GPRC5B: variants seen among roughly 807,000 people sequenced by gnomAD.
The protein encoded by GPRC5B is G protein-coupled receptor class C group 5 member B.
A neutral mutation model predicts 30.1 loss-of-function variants in GPRC5B; 16 were observed. That is an observed-to-expected ratio of 0.53 (90% CI 0.36 to 0.81). The LOEUF (loss-of-function observed/expected upper bound fraction) is 0.81. Among genes scored for constraint, GPRC5B ranks in the 30% least tolerant of loss-of-function variants. The probability of loss-of-function intolerance (pLI) is 0.01; values close to 1 mark genes in which losing one functional copy is unlikely to be tolerated. For missense variants in GPRC5B, 428 were observed against 544.7 expected (o/e 0.79, Z 2.13); for synonymous variants, 241 against 239.5 (o/e 1.01, Z -0.06).
intron 1 of GPRC5B, among the ~76,000 whole-genome samples, chr16:19,875,059 A>T (rs1359595553): frequency 1.3e-5 from 2 of 152,030 alleles, no homozygotes; most frequent in African/African-American, 4.8e-5. Flanking sequence ...TCCCTAAGTA[A>T]ATGCGGTATC....
intron 2 of GPRC5B, among the ~76,000 whole-genome samples, chr16:19,865,862 T>C (rs894092603): frequency 6.6e-6 from 1 of 152,190 alleles, no homozygotes; most frequent in Non-Finnish European, 1.5e-5. Flanking sequence ...GAGAATCACT[T>C]GGAGAGCTTA....
At chr16:19,862,057 C>T in intron 2 of GPRC5B, 84 bp from the exon 3 acceptor site, 1 of 1,299,802 alleles carries the variant, frequency 7.7e-7, no homozygotes. Flanking sequence ...ACAGCGCGCT[C>T]CGGGCACCCC....
rs1297125848 is a variant in GPRC5B, at chr16:19,871,926, T to C, written c.920A>G (p.Tyr307Cys). 1.9e-6 allele frequency: 3 copies of C among 1,613,800 alleles called. No homozygotes were observed. In the African/African-American group the frequency reaches 4.0e-5, roughly 22 times the overall value. Residue 307 changes from tyrosine (Y) to cysteine (C), a missense_variant, in exon 2 of 4, where the codon TAC becomes TGC. Tyr to Cys is a radical substitution (Grantham distance 194). Coordinates refer to ENST00000300571, the MANE Select transcript of GPRC5B (RefSeq NM_016235.3). ...LPALQENTPN[Y>C]FDTSQPRMRE... ...CATCCTGGGCTGCGACGTGTCGAAG[T>C]AGTTGGGCGTGTTCTCCTGCAGGGC... is the stretch of plus-strand genomic sequence containing the variant.
intron 2 of GPRC5B, among the ~76,000 whole-genome samples, chr16:19,864,654 A>C (rs190454670): frequency 9.1e-4 from 139 of 152,358 alleles, no homozygotes; most frequent in African/African-American, 3.2e-3. Context: ...TGCAAGAGAA[A>C]CTGGGCCAAC....
chr16:19,885,404 C>T (rs2056842492), upstream of GPRC5B: 1 of 1,162,870 alleles, frequency 8.6e-7, no homozygotes, highest in African/African-American at 1.6e-5. The surrounding 1 kb of genome is among the most constrained non-coding windows in gnomAD (Gnocchi z 5.3). Flanking sequence ...CACCGCTAGG[C>T]CTCCTCCAGG....
chr16:19,869,051 G>A (rs1161167422), intron 2 of GPRC5B, among the ~76,000 whole-genome samples: 1 of 152,144 alleles, frequency 6.6e-6, no homozygotes, highest in Non-Finnish European at 1.5e-5. Context: ...AATAGTGGCC[G>A]GGCGCAGTGG....
chr16:19,878,418 G>A (rs561876614), intron 1 of GPRC5B, among the ~76,000 whole-genome samples: 109 of 151,846 alleles, frequency 7.2e-4, no homozygotes, highest in Non-Finnish European at 1.1e-3. Context: ...CCATTATCCT[G>A]CCTCAGCCTC....
chr16:19,884,876 C>T (rs921711461), upstream of GPRC5B: 4 of 980,792 alleles, frequency 4.1e-6, no homozygotes, highest in Non-Finnish European at 4.8e-6. Context: ...CCGCGCGAGG[C>T]GCCCCCTGGC....
chr16:19,882,443 C>T (rs1199938331), intron 1 of GPRC5B: 6 of 152,198 alleles, frequency 3.9e-5, no homozygotes, highest in Non-Finnish European at 5.9e-5. Context: ...AAAGTGCTTA[C>T]GGGGCCGTGG....
chr16:19,861,745 G>T, intron 3 of GPRC5B, 92 bp downstream of exon 3: 4 of 1,056,426 alleles, frequency 3.8e-6, no homozygotes, highest in Non-Finnish European at 5.7e-6. Context: ...CACATGGGCA[G>T]CCTCCATGGA....
chr16:19,860,347 A>G lies in GPRC5B; in HGVS notation c.*153T>C, dbSNP rs752277765. On this transcript the variant is annotated 3_prime_UTR_variant, in exon 4 of 4. Transcript: ENST00000300571. Reference sequence around the variant, plus strand: ...AGCTTTTCAGTTCGTCAGTGTTCACATTTACACGAAATCCCCTTGGCTAGG... The same window carrying G: ...AGCTTTTCAGTTCGTCAGTGTTCACGTTTACACGAAATCCCCTTGGCTAGG... 1 of 619,266 alleles carries G rather than the reference A, an allele frequency of 1.6e-6. No homozygotes were observed. The highest frequency in any genetic ancestry group is 2.9e-6 in the Non-Finnish European group (1 of 346,320). 38.4% of individuals were successfully genotyped at this position (619,266 alleles called of 1,614,324 possible).
At chr16:19,869,162 C>T (rs1432057730) in intron 2 of GPRC5B, among the ~76,000 whole-genome samples, 1 of 151,858 alleles carries the variant, frequency 6.6e-6, no homozygotes, top group Non-Finnish European at 1.5e-5. Flanking sequence ...AACCCTGTCT[C>T]TACTAAAAAT....
chr16:19,884,768 T>C lies in GPRC5B; in HGVS notation c.-43A>G. 1.0e-6 allele frequency: 1 copy of C among 984,702 alleles called. No individual in the cohort carries two copies. Among genetic ancestry groups the C allele is most frequent in the Non-Finnish European group, 1.2e-6 (1 of 829,662 alleles). 61.0% of individuals were successfully genotyped at this position (984,702 alleles called of 1,614,324 possible). ...GCAGCGCCGACGCTCCAGCTGGCCT[T>C]CGGCCCGAGTCACATCTCTGCGGCG... On this transcript the variant is annotated 5_prime_UTR_variant, in exon 1 of 4. Coordinates refer to ENST00000300571, the MANE Select transcript of GPRC5B (RefSeq NM_016235.3).
chr16:19,884,988 T>C, upstream of GPRC5B: 5 of 589,664 alleles, frequency 8.5e-6, no homozygotes, highest in East Asian at 1.7e-4. Context: ...CCGCCGGCGG[T>C]TCCGCGCGGG....
chr16:19,870,009 A>C (rs1337575413), intron 2 of GPRC5B, among the ~76,000 whole-genome samples: 1 of 152,198 alleles, frequency 6.6e-6, no homozygotes, highest in Non-Finnish European at 1.5e-5. Context: ...CAGGAGGTCA[A>C]GGCTGCAGTG....
rs189663404 is a variant in GPRC5B, at chr16:19,865,945, T to C, written c.1031-3972A>G. ...CTGTTTTTGTTTTTTGTTGTTTTTT[T>C]TTGAGACGGAGTCCCACTCTGTCGC... On this transcript the variant is annotated intron_variant, in intron 2 of 3. Coordinates refer to ENST00000300571, the MANE Select transcript of GPRC5B (RefSeq NM_016235.3). Among the ~76,000 whole-genome samples the C allele has an allele frequency of 1.6e-3, 242 of 152,310 alleles. 1 individual carries two copies. The highest frequency in any genetic ancestry group is 5.6e-3 in the African/African-American group (232 of 41,566).
chr16:19,872,945 C>G lies in GPRC5B; in HGVS notation c.-1-99G>C. On this transcript the variant is annotated intron_variant, in intron 1 of 3. Coordinates refer to ENST00000300571, the MANE Select transcript of GPRC5B (RefSeq NM_016235.3). The surrounding 1 kb of genome is among the most constrained non-coding windows in gnomAD (Gnocchi z 5.0). Reference sequence around the variant, plus strand: ...TTCTTGAAGAAGACTCGCCTCATTTCAAACCTGCAAGCGCACACGGCACCT... The same window carrying G: ...TTCTTGAAGAAGACTCGCCTCATTTGAAACCTGCAAGCGCACACGGCACCT... The G allele has an allele frequency of 8.2e-6, 7 of 854,226 alleles. No individual in the cohort carries two copies. The highest frequency in any genetic ancestry group is 7.9e-5 in the South Asian group (5 of 63,310). The allele number at this position is 854,226 out of a possible 1,614,324, so 52.9% of individuals were successfully genotyped here.
chr16:19,870,300 T>C lies in GPRC5B; in HGVS notation c.1030+1516A>G, dbSNP rs538633348. ...GTCTCATTCTCCCTGTCCTCTCCCT[T>C]GCAGGGACCACTTCCCCACGAAACC... On this transcript the variant is annotated intron_variant, in intron 2 of 3. Coordinates refer to ENST00000300571, the MANE Select transcript of GPRC5B (RefSeq NM_016235.3). Among the ~76,000 whole-genome samples, 12 of 152,304 alleles carry C rather than the reference T, an allele frequency of 7.9e-5. No individual in the cohort carries two copies. The East Asian group carries it at 2.3e-3, about 29-fold the overall frequency.
intron 2 of GPRC5B, among the ~76,000 whole-genome samples, chr16:19,870,980 A>G (rs1272676483): frequency 6.6e-6 from 1 of 152,124 alleles, no homozygotes; most frequent in Non-Finnish European, 1.5e-5. Flanking sequence ...GGTAGGGAAA[A>G]AAAAAAAGCT....
Sources: gnomAD v4.1 joint callset for allele counts (sites outside exome capture counted in the v4.1 genomes callset) on GRCh38, gnomAD v4.1.1 for gene constraint, Gnocchi (gnomAD v3.1) non-coding constraint, MANE v1.5 for transcripts, NCBI Gene and HGNC (gene_info 2026-07-23, HGNC 2026-07-21) for gene names.